The following NARF variants were observed in gnomAD, a reference collection of about 807,000 sequenced individuals.
NARF encodes the protein iron-only hydrogenase-like protein 2.
A neutral mutation model predicts 48.0 loss-of-function variants in NARF; 41 were observed. The ratio of observed to expected loss-of-function variants is 0.85; its 90% CI spans 0.66 to 1.11. The LOEUF is 1.11. Among genes scored for constraint, NARF ranks in the 50% least tolerant of loss-of-function variants. The pLI is 0.00. For missense variants in NARF, 613 were observed against 590.2 expected (o/e 1.04, Z -0.40); for synonymous variants, 215 against 225.5 (o/e 0.95, Z 0.42).
chr17:82,464,463 G>A (rs761646887), intron 3 of NARF, 33 bp downstream of exon 3: 7 of 1,589,260 alleles, frequency 4.4e-6, no homozygotes, highest in Non-Finnish European at 6.0e-6. Context: ...TGATGCTGGG[G>A]AGCTGACCTG....
chr17:82,487,115 C>CACATATGGGATTTGCATAGA (rs2143971968), intron 10 of NARF, among the ~76,000 whole-genome samples: 1 of 152,310 alleles, frequency 6.6e-6, no homozygotes, highest in South Asian at 2.1e-4. Context: ...CATATGAAGC[C>CACATATGGGATTTGCATAGA]ACCCAGTTCT....
Position 82,489,860 on chromosome 17 carries a change from CT to C in NARF, c.*1706del, listed in dbSNP as rs2044168186. 1 of 151,454 alleles carries C rather than the reference CT, an allele frequency of 6.6e-6. No individual in the cohort carries two copies. The highest frequency in any genetic ancestry group is 1.5e-5 in the Non-Finnish European group (1 of 67,938). The allele number at this position is 151,454 out of a possible 1,614,324, so 9.4% of individuals were successfully genotyped here. On this transcript the variant is annotated 3_prime_UTR_variant, in exon 11 of 11. Transcript: ENST00000309794. ...TTTTTTTTTTTGAGACAGAGTCTCA[CT>C]TTGTCACCCAGGCTGGAGTTCAGTG...
intron 3 of NARF, among the ~76,000 whole-genome samples, chr17:82,464,963 C>G (rs1211039078): frequency 6.6e-6 from 1 of 152,218 alleles, no homozygotes; most frequent in Non-Finnish European, 1.5e-5. Flanking sequence ...TCCATTCTCA[C>G]ATTGCTACAA....
At position 82,471,665 on chromosome 17, in the gene NARF, G is replaced by C. The variant is rs534228996; in HGVS notation, c.386-899G>C. On this transcript the variant is annotated intron_variant, in intron 4 of 10. Coordinates refer to ENST00000309794, the MANE Select transcript of NARF (RefSeq NM_012336.4). Reference sequence around the variant, plus strand: ...AAATTAGCCGGGCGTGGTGGTGGGCGCCTGTAGTCCCAGCTACTCGGGAGG... The same window carrying C: ...AAATTAGCCGGGCGTGGTGGTGGGCCCCTGTAGTCCCAGCTACTCGGGAGG... Among the ~76,000 whole-genome samples the C allele has an allele frequency of 6.1e-5, 9 of 147,674 alleles. No individual in the cohort carries two copies. In the South Asian group the frequency reaches 8.6e-4, roughly 14 times the overall value.
rs78711384 is a variant in NARF, at chr17:82,465,677, C to G, written c.252+1247C>G. Among the ~76,000 whole-genome samples, 1,377 of 152,230 alleles carry G rather than the reference C, an allele frequency of 9.0e-3. 27 individuals are homozygous for G. The highest frequency in any genetic ancestry group is 0.031 in the African/African-American group (1,287 of 41,546). On this transcript the variant is annotated intron_variant, in intron 3 of 10. Coordinates refer to ENST00000309794, the MANE Select transcript of NARF (RefSeq NM_012336.4). Reference sequence around the variant, plus strand: ...GGTGATCCTCCCACCTCTGGAGGCTCCCTGTAGCCTCCAGAGCAGCTGGGA... The same window carrying G: ...GGTGATCCTCCCACCTCTGGAGGCTGCCTGTAGCCTCCAGAGCAGCTGGGA...
At chr17:82,480,792 C>T (rs944851414) in intron 6 of NARF, 3 of 507,926 alleles carry the variant, frequency 5.9e-6, no homozygotes, top group Non-Finnish European at 7.0e-6. Flanking sequence ...ATTAGCCAGG[C>T]GTGGCGGCAT....
chr17:82,481,034 G>GC (rs2043951996), intron 6 of NARF, 48 bp from the exon 7 acceptor site: 1 of 1,611,536 alleles, frequency 6.2e-7, no homozygotes, highest in South Asian at 1.1e-5. Context: ...AGCGTAAGCT[G>GC]CCGTCACCTC....
Position 82,472,662 on chromosome 17 carries a change from G to A in NARF, c.484G>A (p.Glu162Lys), listed in dbSNP as rs2043739418. 1.9e-6 allele frequency: 3 copies of A among 1,613,890 alleles called. No individual in the cohort carries two copies. The highest frequency in any genetic ancestry group is 2.5e-6 in the Non-Finnish European group (3 of 1,179,936). The change falls in exon 5 of 11, where the codon GAA (glutamate) becomes AAA (lysine). Residue 162 changes from glutamate to lysine, a missense_variant. By Grantham distance (56) the Glu-to-Lys change is moderately conservative. Transcript: ENST00000309794. ...VRRYRQHSEE[E>K]RTLPMLTSAC... ...TCGCTATCGCCAGCACAGTGAGGAGGAACGCACCCTGCCCATGCTGACCTC... is the reference window on the plus strand; with the variant it reads ...TCGCTATCGCCAGCACAGTGAGGAGAAACGCACCCTGCCCATGCTGACCTC...
At chr17:82,483,382 C>G (rs1472027414) in intron 7 of NARF, 14 of 314,174 alleles carry the variant, frequency 4.5e-5, no homozygotes, top group South Asian at 3.8e-4. Context: ...TTGTTATACA[C>G]AAAAGTTTTC....
Position 82,459,976 on chromosome 17 carries a change from C to T in NARF, c.28-16C>T, listed in dbSNP as rs1221085170. On this transcript the variant is annotated splice_polypyrimidine_tract_variant and intron_variant, in intron 1 of 10. Coordinates refer to ENST00000309794, the MANE Select transcript of NARF (RefSeq NM_012336.4). ...GAAGTAAAAGTTCATTGATAATGTT[C>T]CTTTGCTTTTTTAAGGAATGTAGTA... 3.1e-6 allele frequency: 5 copies of T among 1,603,856 alleles called. No individual in the cohort carries two copies. Among genetic ancestry groups the T allele is most frequent in the Non-Finnish European group, 3.4e-6 (4 of 1,171,380 alleles).
intron 8 of NARF, 66 bp from the exon 9 acceptor site, chr17:82,484,747 G>A: frequency 1.3e-6 from 2 of 1,502,764 alleles, no homozygotes; most frequent in Non-Finnish European, 1.8e-6. Context: ...AGGAAGTCTG[G>A]TTTCACTCTT....
chr17:82,484,601 A>G (rs1473151083), intron 8 of NARF: 2 of 480,256 alleles, frequency 4.2e-6, no homozygotes, highest in Non-Finnish European at 7.2e-6. Flanking sequence ...CGTGACTGAG[A>G]GTCCTCCGCC....
chr17:82,481,202 T>A lies in NARF; in HGVS notation c.760T>A (p.Leu254Ile). Residue 254 changes from leucine to isoleucine, a missense_variant, in exon 7 of 11, where the codon TTA becomes ATA. Transcript: ENST00000309794. Reference protein sequence around the residue: ...LHGSRGADCVLTSGEIAQIME... With the variant: ...LHGSRGADCVITSGEIAQIME... ...TGGCTCCCGGGGCGCTGACTGCGTGTTAACATCAGGTGAGAGGTGGGCGGG... is the reference window on the plus strand; with the variant it reads ...TGGCTCCCGGGGCGCTGACTGCGTGATAACATCAGGTGAGAGGTGGGCGGG... 1.2e-6 allele frequency: 2 copies of A among 1,613,948 alleles called. No individual in the cohort carries two copies. Among genetic ancestry groups the A allele is most frequent in the Non-Finnish European group, 1.7e-6 (2 of 1,179,986 alleles).
At chr17:82,472,845 G>A (rs1486946692) in intron 5 of NARF, 147 bp downstream of exon 5, 9 of 1,011,504 alleles carry the variant, frequency 8.9e-6, no homozygotes, top group Non-Finnish European at 1.2e-5. Context: ...CTGATTCACA[G>A]AGGGTGTTTG....
At chr17:82,481,805 C>T (rs1348840192) in intron 7 of NARF, 6 of 427,452 alleles carry the variant, frequency 1.4e-5, no homozygotes, top group African/African-American at 2.1e-5. Flanking sequence ...CTTTACATTA[C>T]AGTCCATGTA....
chr17:82,468,295 G>A, intron 3 of NARF, among the ~76,000 whole-genome samples: 1 of 151,500 alleles, frequency 6.6e-6, no homozygotes, highest in South Asian at 2.1e-4. Flanking sequence ...TGGGCAACAA[G>A]GGTGAAACTC....
intron 5 of NARF, among the ~76,000 whole-genome samples, chr17:82,477,403 C>G (rs1375856088): frequency 6.6e-6 from 1 of 151,782 alleles, no homozygotes; most frequent in Admixed American, 6.6e-5. Context: ...GCTTGGGAGG[C>G]TGAGGCAGAA....
In NARF at chr17:82,489,624, A is replaced by G. The variant is rs950704243; in HGVS notation, c.*1467A>G. 1.3e-5 allele frequency: 2 copies of G among 152,320 alleles called. No individual in the cohort carries two copies. Among genetic ancestry groups the G allele is most frequent in the Admixed American group, 1.3e-4 (2 of 15,272 alleles). The allele number at this position is 152,320 out of a possible 1,614,324, so 9.4% of individuals were successfully genotyped here. ...GTTTCTTCTCACACGGCCCTGGCCC[A>G]TCCACTCGCCATGAAGCCCTCTGTG... On this transcript the variant is annotated 3_prime_UTR_variant, in exon 11 of 11. Coordinates refer to ENST00000309794, the MANE Select transcript of NARF (RefSeq NM_012336.4).
chr17:82,459,397 C>T (rs932942364), intron 1 of NARF: 2 of 162,062 alleles, frequency 1.2e-5, no homozygotes, highest in African/African-American at 4.8e-5. Flanking sequence ...CAGGAGGCTT[C>T]CTAACATTCC....
Sources: allele counts gnomAD v4.1 joint callset (sites outside exome capture counted in the v4.1 genomes callset), GRCh38; gene constraint gnomAD v4.1.1; transcripts MANE v1.5; gene names NCBI Gene and HGNC (gene_info 2026-07-23, HGNC 2026-07-21).